Variants in ENTREP2 observed in about 807,000 individuals in gnomAD.
ENTREP2 encodes endosomal transmembrane epsin interactor 2.
the ENTREP2 span, among the ~76,000 whole-genome samples, chr15:29,161,329 A>T: frequency 6.6e-6 from 1 of 152,154 alleles, no homozygotes; most frequent in Admixed American, 6.5e-5. Context: ...CTCACCACAC[A>T]TGTGCAGGCA....
chr15:29,122,201 C>G, the ENTREP2 span: 5 of 152,238 alleles, frequency 3.3e-5, no homozygotes, highest in African/African-American at 1.2e-4. Context: ...GTTCCACGGC[C>G]ATTGTTGGGA....
At chr15:29,441,958 C>T in the ENTREP2 span, among the ~76,000 whole-genome samples, 1 of 152,302 alleles carries the variant, frequency 6.6e-6, no homozygotes, top group East Asian at 1.9e-4. Flanking sequence ...CCCAACATTT[C>T]CCATGAGCCT....
At chr15:29,493,234 C>T in the ENTREP2 span, among the ~76,000 whole-genome samples, 8 of 134,456 alleles carry the variant, frequency 5.9e-5, no homozygotes, top group East Asian at 2.6e-4. Flanking sequence ...CCCGGGTTCA[C>T]GCCATTCTCC....
chr15:29,294,154 G>A, the ENTREP2 span, among the ~76,000 whole-genome samples: 1 of 152,184 alleles, frequency 6.6e-6, no homozygotes, highest in Non-Finnish European at 1.5e-5. Flanking sequence ...TGGGCAGCCA[G>A]AGCCCCAGCC....
chr15:29,519,591 A>G, the ENTREP2 span, among the ~76,000 whole-genome samples: 24 of 152,344 alleles, frequency 1.6e-4, no homozygotes, highest in Middle Eastern at 3.4e-3. Flanking sequence ...TACAGTATAT[A>G]ATGCATGTAA....
the ENTREP2 span, among the ~76,000 whole-genome samples, chr15:29,157,117 A>G: frequency 6.6e-6 from 1 of 152,092 alleles, no homozygotes; most frequent in Admixed American, 6.6e-5. Context: ...AATAAAAAAT[A>G]AAACACCTGA....
the ENTREP2 span, among the ~76,000 whole-genome samples, chr15:29,439,261 T>C: frequency 6.8e-6 from 1 of 146,718 alleles, no homozygotes; most frequent in African/African-American, 2.6e-5. Context: ...CAGGAGCATC[T>C]TATAGTGCTA....
chr15:29,566,736 C>T, the ENTREP2 span, among the ~76,000 whole-genome samples: 16 of 79,916 alleles, frequency 2.0e-4, no homozygotes, highest in East Asian at 1.5e-3. Context: ...GGATTACAGG[C>T]ATGAGCCAAC....
At chr15:29,162,478 G>A in the ENTREP2 span, among the ~76,000 whole-genome samples, 3 of 152,124 alleles carry the variant, frequency 2.0e-5, no homozygotes, top group Non-Finnish European at 4.4e-5. Context: ...GGGGCATGGT[G>A]GGAGTGAGAC....
the ENTREP2 span, among the ~76,000 whole-genome samples, chr15:29,184,577 CCT>C: frequency 6.7e-6 from 1 of 150,062 alleles, no homozygotes; most frequent in Non-Finnish European, 1.5e-5. Context: ...TTTCCCATCT[CCT>C]CATGGAAATC....
At chr15:29,623,334 C>T in the ENTREP2 span, among the ~76,000 whole-genome samples, 1 of 152,154 alleles carries the variant, frequency 6.6e-6, no homozygotes, top group Admixed American at 6.6e-5. Flanking sequence ...TACAGGCAGC[C>T]AAAGTTTCAG....
the ENTREP2 span, among the ~76,000 whole-genome samples, chr15:29,530,807 T>C: frequency 1.3e-5 from 2 of 152,196 alleles, no homozygotes; most frequent in African/African-American, 4.8e-5. Flanking sequence ...ATGACTTCCA[T>C]TTGGGGATAT....
the ENTREP2 span, among the ~76,000 whole-genome samples, chr15:29,545,921 C>T: frequency 6.6e-6 from 1 of 152,142 alleles, no homozygotes; most frequent in South Asian, 2.1e-4. Context: ...GAGAAGAAAA[C>T]ATGTGATTAA....
At chr15:29,416,731 T>A in the ENTREP2 span, among the ~76,000 whole-genome samples, 1 of 151,890 alleles carries the variant, frequency 6.6e-6, no homozygotes, top group Non-Finnish European at 1.5e-5. Flanking sequence ...TGGGAGAAAA[T>A]TTTTGCAATC....
At chr15:29,478,060 T>C in the ENTREP2 span, among the ~76,000 whole-genome samples, 2 of 138,356 alleles carry the variant, frequency 1.4e-5, no homozygotes, top group Non-Finnish European at 3.1e-5. Flanking sequence ...AGTCTTGCTC[T>C]GTCACCCAGG....
the ENTREP2 span, among the ~76,000 whole-genome samples, chr15:29,394,303 GGAAAAATTTTTCCTTCA>G: frequency 6.6e-6 from 1 of 151,976 alleles, no homozygotes; most frequent in Non-Finnish European, 1.5e-5. Context: ...TTTATCTGAA[GGAAAAATTTTTCCTTCA>G]GATAGTAGAG....
chr15:29,181,859 T>C, the ENTREP2 span, among the ~76,000 whole-genome samples: 3 of 152,136 alleles, frequency 2.0e-5, no homozygotes, highest in Non-Finnish European at 2.9e-5. Context: ...TATTAGAAAT[T>C]TTCAGCAAAC....
the ENTREP2 span, among the ~76,000 whole-genome samples, chr15:29,665,494 T>C: frequency 6.6e-6 from 1 of 152,200 alleles, no homozygotes. Flanking sequence ...CTGGTGGTAA[T>C]GGAGACCCTC....
the ENTREP2 span, among the ~76,000 whole-genome samples, chr15:29,171,066 C>T: frequency 6.6e-6 from 1 of 152,160 alleles, no homozygotes; most frequent in African/African-American, 2.4e-5. Flanking sequence ...TAACAACCCA[C>T]TCTCACCATA....
Sources: allele counts gnomAD v4.1 joint callset (sites outside exome capture counted in the v4.1 genomes callset), GRCh38; gene constraint gnomAD v4.1.1; transcripts MANE v1.5; gene names NCBI Gene and HGNC (gene_info 2026-07-23, HGNC 2026-07-21).